Variants in CDH13 observed in about 807,000 individuals in gnomAD.
CDH13 encodes the protein cadherin 13.
CDH13 carries 24 observed loss-of-function variants against 63.8 expected under a neutral mutation model. The observed-to-expected ratio is 0.38, with a 90% CI of 0.27 to 0.53. The LOEUF is 0.53. Ranked by LOEUF, CDH13 falls within the 20% of genes least tolerant of loss-of-function variation. CDH13 has a pLI of 0.85. For missense variants in CDH13, 1,049 were observed against 903.1 expected (o/e 1.16, Z -2.07); for synonymous variants, 503 against 355.3 (o/e 1.42, Z -4.67).
chr16:83,168,453 G>A (rs1336494084), intron 4 of CDH13, among the ~76,000 whole-genome samples: 3 of 151,606 alleles, frequency 2.0e-5, no homozygotes, highest in African/African-American at 4.8e-5. Flanking sequence ...CCCTTCCTTA[G>A]CCCAAATGCT....
intron 5 of CDH13, among the ~76,000 whole-genome samples, chr16:83,223,646 G>A (rs183705691): frequency 2.4e-4 from 36 of 152,262 alleles, no homozygotes; most frequent in African/African-American, 6.7e-4. Flanking sequence ...GTGGCCTCCC[G>A]CCACTCACTT....
intron 1 of CDH13, among the ~76,000 whole-genome samples, chr16:82,763,972 C>T (rs923126285): frequency 6.6e-6 from 1 of 152,206 alleles, no homozygotes; most frequent in African/African-American, 2.4e-5. Flanking sequence ...TGTGCCTGGC[C>T]ATCCCTGGAT....
intron 5 of CDH13, among the ~76,000 whole-genome samples, chr16:83,334,697 C>G (rs2090555070): frequency 6.6e-6 from 1 of 152,114 alleles, no homozygotes; most frequent in Admixed American, 6.6e-5. Flanking sequence ...TTAAAGCCAG[C>G]TGATCAGCAA....
intron 11 of CDH13, among the ~76,000 whole-genome samples, chr16:83,776,821 C>G (rs138163255): frequency 1.3e-5 from 2 of 152,314 alleles, no homozygotes; most frequent in African/African-American, 4.8e-5. Context: ...ACTTTGGGGT[C>G]TCTCAGGATT....
chr16:83,161,663 G>A (rs971115228), intron 4 of CDH13, among the ~76,000 whole-genome samples: 15 of 151,948 alleles, frequency 9.9e-5, no homozygotes, highest in African/African-American at 3.4e-4. Context: ...GCATGGATTT[G>A]CATATTTATA....
At chr16:83,083,479 C>G (rs1418509436) in intron 3 of CDH13, among the ~76,000 whole-genome samples, 2 of 152,168 alleles carry the variant, frequency 1.3e-5, no homozygotes, top group African/African-American at 4.8e-5. Flanking sequence ...CCATGTTATG[C>G]ATATGGAAAT....
At chr16:82,666,959 G>A (rs924709877) in intron 1 of CDH13, among the ~76,000 whole-genome samples, 3 of 152,170 alleles carry the variant, frequency 2.0e-5, no homozygotes, top group South Asian at 2.1e-4. Flanking sequence ...CCTGAGATGA[G>A]TTCAGGAATG....
chr16:82,908,841 G>A (rs1390743536), intron 2 of CDH13, among the ~76,000 whole-genome samples: 1 of 152,174 alleles, frequency 6.6e-6, no homozygotes, highest in Admixed American at 6.5e-5. Context: ...AACTACATGG[G>A]TTTGAACTGA....
At chr16:83,280,171 A>G (rs1003079119) in intron 5 of CDH13, among the ~76,000 whole-genome samples, 1 of 152,208 alleles carries the variant, frequency 6.6e-6, no homozygotes. Context: ...ATGTGATGCT[A>G]TTTGATAGCA....
chr16:83,321,575 C>T (rs572667835), intron 5 of CDH13, among the ~76,000 whole-genome samples: 8 of 121,970 alleles, frequency 6.6e-5, no homozygotes, highest in Admixed American at 1.1e-4. Context: ...GTCGCCTAGG[C>T]TGGAGTGCAG....
intron 6 of CDH13, among the ~76,000 whole-genome samples, chr16:83,462,073 A>G (rs531298825): frequency 6.6e-6 from 1 of 152,364 alleles, no homozygotes; most frequent in African/African-American, 2.4e-5. Context: ...ACCAGCAGAA[A>G]CTTGGAAATC....
At chr16:83,490,921 G>A (rs550026087) in intron 7 of CDH13, among the ~76,000 whole-genome samples, 93 of 152,280 alleles carry the variant, frequency 6.1e-4, no homozygotes, top group African/African-American at 1.9e-3. Flanking sequence ...TTGGATTTCT[G>A]TTCTCTCTCT....
intron 2 of CDH13, among the ~76,000 whole-genome samples, chr16:82,873,006 G>A (rs1223908018): frequency 5.9e-5 from 9 of 152,266 alleles, no homozygotes; most frequent in Admixed American, 3.3e-4. Flanking sequence ...ATGACAAGAC[G>A]ATGGTTAAGT....
chr16:82,750,101 G>A (rs1001192762), intron 1 of CDH13, among the ~76,000 whole-genome samples: 5 of 152,184 alleles, frequency 3.3e-5, no homozygotes, highest in African/African-American at 9.7e-5. Context: ...ACATCTGTGT[G>A]TGATTCCTGG....
intron 8 of CDH13, among the ~76,000 whole-genome samples, chr16:83,612,333 C>G (rs941992558): frequency 2.0e-5 from 3 of 151,900 alleles, no homozygotes; most frequent in Non-Finnish European, 4.4e-5. Context: ...TCTTACCTTT[C>G]TTTTGGTCAG....
intron 4 of CDH13, among the ~76,000 whole-genome samples, chr16:83,192,597 T>C (rs547049745): frequency 1.3e-5 from 2 of 152,292 alleles, no homozygotes; most frequent in South Asian, 4.1e-4. Context: ...GATCTGAGTT[T>C]CCGTGGTTGA....
intron 11 of CDH13, among the ~76,000 whole-genome samples, chr16:83,753,114 C>G (rs1354682137): frequency 6.6e-6 from 1 of 152,178 alleles, no homozygotes; most frequent in Non-Finnish European, 1.5e-5. Context: ...ACCCAAAGGA[C>G]TTACAGCAAA....
chr16:82,879,502 TTAA>T (rs1347022054), intron 2 of CDH13, among the ~76,000 whole-genome samples: 2 of 144,448 alleles, frequency 1.4e-5, no homozygotes, highest in African/African-American at 5.0e-5. Context: ...TTAAATATAT[TTAA>T]TATATATTTA....
chr16:82,930,564 A>T (rs1456678696), intron 2 of CDH13, among the ~76,000 whole-genome samples: 1 of 152,110 alleles, frequency 6.6e-6, no homozygotes, highest in Non-Finnish European at 1.5e-5. Context: ...ATTTCTTAGA[A>T]TTAGGAACCT....
Sources: allele counts gnomAD v4.1 joint callset (sites outside exome capture counted in the v4.1 genomes callset), GRCh38; gene constraint gnomAD v4.1.1; transcripts MANE v1.5; gene names NCBI Gene and HGNC (gene_info 2026-07-23, HGNC 2026-07-21).